Variants in SAMD5 observed in about 807,000 individuals in gnomAD.
SAMD5 encodes the protein sterile alpha motif domain-containing protein 5.
SAMD5 carries 13 observed loss-of-function variants against 11.3 expected under a neutral mutation model. The ratio of observed to expected loss-of-function variants is 1.15; its 90% CI spans 0.75 to 1.83. SAMD5 has a LOEUF of 1.83. Ranked by LOEUF, SAMD5 falls within the 40% of genes most tolerant of loss-of-function variation. SAMD5 has a pLI of 0.00. For missense variants in SAMD5, 255 were observed against 239.1 expected (o/e 1.07, Z -0.44); for synonymous variants, 129 against 111.3 (o/e 1.16, Z -1.00).
At chr6:147,850,969 CAG>C in the SAMD5 span, among the ~76,000 whole-genome samples, 1 of 130,098 alleles carries the variant, frequency 7.7e-6, no homozygotes, top group African/African-American at 3.0e-5. Flanking sequence ...TTTTTTGAGA[CAG>C]AGTCTCTCCC....
intron 1 of SAMD5, among the ~76,000 whole-genome samples, chr6:147,613,367 G>A (rs1018669117): frequency 6.6e-6 from 1 of 151,784 alleles, no homozygotes; most frequent in African/African-American, 2.4e-5. Context: ...CACGCACTAA[G>A]AGATAGTCTG....
At chr6:147,675,795 GAC>G (rs139020238) in intron 1 of SAMD5, among the ~76,000 whole-genome samples, 2,271 of 152,244 alleles carry the variant, frequency 0.015, 55 homozygotes, top group African/African-American at 0.052. Context: ...AAAATGAACT[GAC>G]AGTGATTTTC....
chr6:147,620,269 T>C (rs1789939763), intron 1 of SAMD5, among the ~76,000 whole-genome samples: 1 of 152,198 alleles, frequency 6.6e-6, no homozygotes, highest in Admixed American at 6.5e-5. Context: ...CTTCTTGTGC[T>C]TCTCCCCATC....
the SAMD5 span, among the ~76,000 whole-genome samples, chr6:147,870,453 T>A: frequency 1.0e-4 from 12 of 115,296 alleles, no homozygotes; most frequent in African/African-American, 4.3e-4. Context: ...TGTGTGAGTG[T>A]GTGTGTGTGT....
At chr6:147,536,684 T>A (rs1317194928) in intron 1 of SAMD5, among the ~76,000 whole-genome samples, 2 of 152,156 alleles carry the variant, frequency 1.3e-5, no homozygotes, top group African/African-American at 2.4e-5. Flanking sequence ...AAAGCTATAA[T>A]GGACTAGGAA....
the SAMD5 span, among the ~76,000 whole-genome samples, chr6:147,813,526 G>T: frequency 2.6e-5 from 4 of 152,164 alleles, no homozygotes; most frequent in African/African-American, 7.2e-5. Flanking sequence ...CCCTTTGACA[G>T]ATGAGAAAAC....
chr6:147,892,940 T>G, the SAMD5 span, among the ~76,000 whole-genome samples: 2 of 152,190 alleles, frequency 1.3e-5, no homozygotes, highest in Non-Finnish European at 2.9e-5. Flanking sequence ...GGGCCAGGTG[T>G]GGTGGCTCAT....
the SAMD5 span, among the ~76,000 whole-genome samples, chr6:147,905,842 T>G: frequency 5.3e-5 from 8 of 152,320 alleles, no homozygotes; most frequent in Admixed American, 2.6e-4. Flanking sequence ...AAGACGCCTA[T>G]CCTCTGAGGC....
At chr6:147,804,520 A>G in the SAMD5 span, among the ~76,000 whole-genome samples, 3 of 152,186 alleles carry the variant, frequency 2.0e-5, no homozygotes, top group Admixed American at 1.3e-4. Context: ...GGCTCATAAC[A>G]ACTGCTTGTT....
chr6:147,537,208 A>G (rs577100296), intron 1 of SAMD5, among the ~76,000 whole-genome samples: 3 of 152,232 alleles, frequency 2.0e-5, no homozygotes, highest in Non-Finnish European at 4.4e-5. Flanking sequence ...AAAGAACGCT[A>G]AACGCCGTTT....
chr6:147,859,314 C>T, the SAMD5 span, among the ~76,000 whole-genome samples: 1 of 152,180 alleles, frequency 6.6e-6, no homozygotes, highest in Non-Finnish European at 1.5e-5. Flanking sequence ...AGATCTGAAG[C>T]ATCTGGCCAT....
At chr6:147,819,322 AC>A in the SAMD5 span, among the ~76,000 whole-genome samples, 1 of 152,138 alleles carries the variant, frequency 6.6e-6, no homozygotes, top group Admixed American at 6.6e-5. Flanking sequence ...ACTGGGGCCT[AC>A]TTGGGGGTGG....
the SAMD5 span, among the ~76,000 whole-genome samples, chr6:147,814,881 C>T: frequency 1.3e-5 from 2 of 152,000 alleles, no homozygotes; most frequent in Admixed American, 6.6e-5. Context: ...TAAACATTTC[C>T]CCCAAATTTT....
the SAMD5 span, among the ~76,000 whole-genome samples, chr6:147,814,326 A>G: frequency 1.3e-5 from 2 of 152,214 alleles, no homozygotes; most frequent in African/African-American, 2.4e-5. Flanking sequence ...CGCATATTCA[A>G]ATGCAATCGA....
chr6:147,827,882 C>T, the SAMD5 span, among the ~76,000 whole-genome samples: 19 of 151,914 alleles, frequency 1.3e-4, no homozygotes, highest in African/African-American at 4.1e-4. Flanking sequence ...CTCCGCCTCC[C>T]GGGTTCACGC....
At chr6:147,909,618 T>TTCTCTCTCTCTCTCTC in the SAMD5 span, among the ~76,000 whole-genome samples, 10 of 76,434 alleles carry the variant, frequency 1.3e-4, no homozygotes, top group East Asian at 2.0e-3. Flanking sequence ...CTTTCTTTCT[T>TTCTCTCTCTCTCTCTC]TCTTTCTTTC....
the SAMD5 span, among the ~76,000 whole-genome samples, chr6:147,816,005 CACGGTGGCTCACGCCTGT>C: frequency 3.3e-5 from 5 of 151,994 alleles, no homozygotes; most frequent in Non-Finnish European, 7.4e-5. Flanking sequence ...GAAGGCTGGG[CACGGTGGCTCACGCCTGT>C]AATCCCAGCA....
intron 1 of SAMD5, among the ~76,000 whole-genome samples, chr6:147,616,167 AT>A (rs1339430634): frequency 1.2e-4 from 15 of 122,466 alleles, no homozygotes; most frequent in Non-Finnish European, 2.1e-4. Flanking sequence ...TATATATTTC[AT>A]ATATATTTAT....
chr6:147,572,411 A>T (rs1329123123), downstream of SAMD5, among the ~76,000 whole-genome samples: 1 of 152,230 alleles, frequency 6.6e-6, no homozygotes, highest in African/African-American at 2.4e-5. Flanking sequence ...AAATTTTATA[A>T]ACTCAATTAG....
Sources: gnomAD v4.1 joint callset for allele counts (sites outside exome capture counted in the v4.1 genomes callset) on GRCh38, gnomAD v4.1.1 for gene constraint, MANE v1.5 for transcripts, NCBI Gene and HGNC (gene_info 2026-07-23, HGNC 2026-07-21) for gene names.